Variants in DNAH12 observed in about 807,000 individuals in gnomAD.
The protein encoded by DNAH12 is dynein axonemal heavy chain 12.
A neutral mutation model predicts 371.5 loss-of-function variants in DNAH12; 285 were observed. The observed-to-expected ratio is 0.77, with a 90% confidence interval of 0.70 to 0.85. DNAH12 has a LOEUF of 0.85. Ranked by LOEUF, DNAH12 falls within the 40% of genes least tolerant of loss-of-function variation. The pLI, the probability that DNAH12 is intolerant of heterozygous loss-of-function variation, is 0.00. For synonymous variants in DNAH12, 1,200 were observed against 1,213.0 expected (o/e 0.99, Z 0.22); for missense variants, 3,611 against 3,689.4 (o/e 0.98, Z 0.55).
chr3:57,455,785 T>C (rs1190498403), intron 22 of DNAH12, among the ~76,000 whole-genome samples: 1 of 152,182 alleles, frequency 6.6e-6, no homozygotes, highest in Non-Finnish European at 1.5e-5. Context: ...GAACCATCTA[T>C]AGTTTTGAAT....
In DNAH12 at chr3:57,458,107, G is replaced by T. The variant is rs1379245718; in HGVS notation, c.3045C>A (p.Phe1015Leu). 1 of 1,544,964 alleles carries T rather than the reference G, an allele frequency of 6.5e-7. No individual in the cohort carries two copies. The highest frequency in any genetic ancestry group is 8.7e-7 in the Non-Finnish European group (1 of 1,145,348). ...LNAYLEKKRL[F>L]FPRFFFLSND... ...TTGATTATTTATCATACCGAGGGAA[G>T]AAAAGACGTTTCTTTTCAAGATATG... Residue 1015 changes from phenylalanine to leucine, a missense_variant, in exon 21 of 74, where the codon TTC (phenylalanine) becomes TTA (leucine). Around this residue, in one of 3 missense-constraint regions of DNAH12, gnomAD observed 1,314 missense variants for 1,398.7 expected, o/e 0.94. Transcript: ENST00000495027.
chr3:57,322,786 C>T (rs569001570), intron 64 of DNAH12, among the ~76,000 whole-genome samples: 37 of 152,228 alleles, frequency 2.4e-4, no homozygotes, highest in Non-Finnish European at 4.3e-4. Context: ...AAAAATTAGC[C>T]GAGCATGGTG....
At chr3:57,350,638 G>C (rs2062650554) in intron 60 of DNAH12, among the ~76,000 whole-genome samples, 1 of 152,086 alleles carries the variant, frequency 6.6e-6, no homozygotes, top group South Asian at 2.1e-4. Flanking sequence ...CACAAAGCAA[G>C]AACCATAAAT....
intron 11 of DNAH12, among the ~76,000 whole-genome samples, chr3:57,493,989 T>G (rs1290982473): frequency 6.6e-6 from 1 of 152,170 alleles, no homozygotes; most frequent in Non-Finnish European, 1.5e-5. Flanking sequence ...TGCCAGAGCT[T>G]TGGGATGCTG....
chr3:57,427,650 A>G (rs550929157), intron 34 of DNAH12, among the ~76,000 whole-genome samples: 45 of 152,166 alleles, frequency 3.0e-4, no homozygotes, highest in African/African-American at 9.4e-4. Flanking sequence ...AGATCGCTCC[A>G]CTGCGCTCCA....
chr3:57,320,917 C>CA (rs1267516377), intron 65 of DNAH12, among the ~76,000 whole-genome samples: 1 of 152,164 alleles, frequency 6.6e-6, no homozygotes, highest in Non-Finnish European at 1.5e-5. Context: ...TTACCTATTA[C>CA]CACTGTTCAT....
intron 59 of DNAH12, among the ~76,000 whole-genome samples, chr3:57,353,302 T>A (rs2062725436): frequency 6.6e-6 from 1 of 152,096 alleles, no homozygotes; most frequent in Non-Finnish European, 1.5e-5. Context: ...ACTTTATTTT[T>A]TTTTTTTGGA....
At position 57,409,667 on chromosome 3, in the gene DNAH12, G is replaced by A. The variant is rs191343177; in HGVS notation, c.6021-1132C>T. On this transcript the variant is annotated intron_variant, in intron 39 of 73. Coordinates refer to ENST00000495027, the MANE Select transcript of DNAH12 (RefSeq NM_001366028.2). ...CAACAATGGTTATCTCCTGAAAGCAGAATTCCTAGGGCCTATAGTAATAAC... is the reference window on the plus strand; with the variant it reads ...CAACAATGGTTATCTCCTGAAAGCAAAATTCCTAGGGCCTATAGTAATAAC... Among the ~76,000 whole-genome samples the A allele has an allele frequency of 7.2e-5, 11 of 152,130 alleles. No homozygotes were observed. The East Asian group carries it at 1.9e-3, about 27-fold the overall frequency.
intron 43 of DNAH12, among the ~76,000 whole-genome samples, chr3:57,402,811 TAGA>T (rs1413084337): frequency 5.3e-5 from 8 of 152,212 alleles, no homozygotes; most frequent in Admixed American, 2.0e-4. Context: ...TATTTCAAGA[TAGA>T]AGATTTGCAA....
intron 47 of DNAH12, among the ~76,000 whole-genome samples, chr3:57,385,713 C>A (rs2063487405): frequency 6.6e-6 from 1 of 152,104 alleles, no homozygotes; most frequent in African/African-American, 2.4e-5. Context: ...GAAATCCCAT[C>A]TCTACTAAAA....
At chr3:57,401,797 AGTAGCACACTCTG>A (rs2063876906) in intron 43 of DNAH12, among the ~76,000 whole-genome samples, 1 of 152,184 alleles carries the variant, frequency 6.6e-6, no homozygotes, top group Non-Finnish European at 1.5e-5. Context: ...AAATGAAAAT[AGTAGCACACTCTG>A]GTAGCACAAC....
rs1448155125 is a variant in DNAH12, at chr3:57,428,668, G to C, written c.5218C>G (p.Pro1740Ala). ...TTCTTACGCTGGTTTAAAGAGGGTG[G>C]TATTAACCAGGCAAAAAGTCCTCTC... ...LLRGLFAWLI[P>A]PSLNQRKKKC... Residue 1740 changes from proline (P) to alanine (A), a missense_variant, in exon 34 of 74, where the codon CCA becomes GCA. By Grantham distance (27) the Pro-to-Ala change is conservative (BLOSUM62 -1). This residue lies in a region of DNAH12 where 2,266 missense variants were observed against 2,236.9 expected (regional missense o/e 1.01). Transcript: ENST00000495027. The C allele has an allele frequency of 1.3e-6, 2 of 1,548,358 alleles. No homozygotes were observed. The highest frequency in any genetic ancestry group is 4.0e-5 in the Admixed American group (2 of 49,880).
chr3:57,555,226 A>G, the DNAH12 span, among the ~76,000 whole-genome samples: 1 of 152,178 alleles, frequency 6.6e-6, no homozygotes, highest in Non-Finnish European at 1.5e-5. Flanking sequence ...CTTGGGTGAA[A>G]GAGCAAGGCC....
chr3:57,435,894 A>G (rs1378274436), intron 30 of DNAH12, among the ~76,000 whole-genome samples: 1 of 152,052 alleles, frequency 6.6e-6, no homozygotes, highest in Admixed American at 6.6e-5. Context: ...AATTTACATA[A>G]TGTTTTTGTA....
Position 57,468,992 on chromosome 3 carries a change from A to G in DNAH12, c.2106-13T>C. The G allele has an allele frequency of 6.6e-7, 1 of 1,513,382 alleles. No homozygotes were observed. The highest frequency in any genetic ancestry group is 1.4e-5 in the African/African-American group (1 of 70,356). 93.7% of individuals were successfully genotyped at this position (1,513,382 alleles called of 1,614,324 possible). On this transcript the variant is annotated splice_polypyrimidine_tract_variant and intron_variant, in intron 16 of 73. Transcript: ENST00000495027. ...TCCATCCATCCACCTGAATGGAAAGAAAAAATATTATTAAACTCAGACTTT... is the reference window on the plus strand; with the variant it reads ...TCCATCCATCCACCTGAATGGAAAGGAAAAATATTATTAAACTCAGACTTT...
At chr3:57,420,647 C>T (rs1399067079) in intron 36 of DNAH12, among the ~76,000 whole-genome samples, 21 of 132,912 alleles carry the variant, frequency 1.6e-4, no homozygotes, top group Non-Finnish European at 7.8e-5. Context: ...CAGTGGCTCA[C>T]GCCTGTAATC....
rs1302589852 is a variant in DNAH12 at position 57,433,426 on chromosome 3, C to T, written c.4921G>A (p.Gly1641Ser). Residue 1641 changes from glycine to serine, a missense_variant, in exon 32 of 74, where the codon GGT (glycine) becomes AGT (serine). Gly to Ser is a moderately conservative substitution (Grantham distance 56). Coordinates refer to ENST00000495027, the MANE Select transcript of DNAH12 (RefSeq NM_001366028.2). Reference sequence around the variant, plus strand: ...TCTATCCACAAAGTGTCAATAGGACCATCAAATACAACCCATTTCCGGTCA... The same window carrying T: ...TCTATCCACAAAGTGTCAATAGGACTATCAAATACAACCCATTTCCGGTCA... ...TPDRKWVVFD[G>S]PIDTLWIESM... The T allele has an allele frequency of 1.9e-6, 3 of 1,551,426 alleles. No individual in the cohort carries two copies. Among genetic ancestry groups the T allele is most frequent in the Non-Finnish European group, 2.6e-6 (3 of 1,146,898 alleles).
chr3:57,527,732 T>A (rs2068698393), intron 2 of DNAH12, among the ~76,000 whole-genome samples: 1 of 152,214 alleles, frequency 6.6e-6, no homozygotes, highest in African/African-American at 2.4e-5. Flanking sequence ...GGGTCACACA[T>A]CCAAACTATA....
chr3:57,357,101 A>C (rs1324936069), intron 59 of DNAH12, 75 bp downstream of exon 59: 2 of 152,130 alleles, frequency 1.3e-5, no homozygotes, highest in Admixed American at 1.3e-4. Flanking sequence ...TTTAAAAAAA[A>C]GTTACATTTT....
Sources: allele counts gnomAD v4.1 joint callset (sites outside exome capture counted in the v4.1 genomes callset), GRCh38; gene constraint gnomAD v4.1.1; regional missense constraint gnomAD v4.1.1; transcripts MANE v1.5; gene names NCBI Gene and HGNC (gene_info 2026-07-23, HGNC 2026-07-21).